ROBO2: variants seen among roughly 807,000 people sequenced by gnomAD.
ROBO2 encodes the protein roundabout homolog 2.
A neutral mutation model predicts 160.8 loss-of-function variants in ROBO2; 53 were observed. The observed-to-expected ratio is 0.33, with a 90% CI of 0.26 to 0.41. The LOEUF (loss-of-function observed/expected upper bound fraction) is 0.41, where lower values mean the gene tolerates loss of function less well. Among genes scored for constraint, ROBO2 ranks in the 10% least tolerant of loss-of-function variants. ROBO2 has a pLI of 1.00. For missense variants in ROBO2, 1,577 were observed against 1,722.4 expected (o/e 0.92, Z 1.49); for synonymous variants, 664 against 611.7 (o/e 1.09, Z -1.26).
At position 77,550,391 on chromosome 3, in the gene ROBO2, C is replaced by T. The variant is rs1393828608; in HGVS notation, c.1060-427C>T. ...ATCAACAGCAATCATATTTTGCATT[C>T]TTCAGAGCTGTGCGGTTTATACAAC... On this transcript the variant is annotated intron_variant, in intron 7 of 25. Transcript: ENST00000461745. Among the ~76,000 whole-genome samples, 3 of 151,986 alleles carry T rather than the reference C, an allele frequency of 2.0e-5. No individual in the cohort carries two copies. In the East Asian group the frequency reaches 5.8e-4, roughly 30 times the overall value.
intron 13 of ROBO2, among the ~76,000 whole-genome samples, chr3:77,571,855 G>A (rs1478527501): frequency 1.3e-5 from 2 of 150,950 alleles, no homozygotes; most frequent in Admixed American, 1.3e-4. Flanking sequence ...TAAAGTAAAT[G>A]TTCAGTGTTT....
chr3:76,211,724 T>C (rs1703156793), intron 2 of ROBO2, among the ~76,000 whole-genome samples: 1 of 152,088 alleles, frequency 6.6e-6, no homozygotes, highest in South Asian at 2.1e-4. Context: ...ACATTTTTTG[T>C]ACACTGTTTT....
chr3:77,587,625 T>C (rs1316745234), intron 16 of ROBO2, among the ~76,000 whole-genome samples: 1 of 152,042 alleles, frequency 6.6e-6, no homozygotes, highest in Non-Finnish European at 1.5e-5. Context: ...TTTAGTGCCC[T>C]ATATAAGCTT....
chr3:76,547,778 T>C (rs1168083113), intron 2 of ROBO2, among the ~76,000 whole-genome samples: 1 of 152,120 alleles, frequency 6.6e-6, no homozygotes, highest in African/African-American at 2.4e-5. Context: ...GGAGTTTTAT[T>C]AGAAAATCAC....
At chr3:76,343,793 T>C (rs1012077408) in intron 2 of ROBO2, among the ~76,000 whole-genome samples, 9 of 152,158 alleles carry the variant, frequency 5.9e-5, no homozygotes, top group African/African-American at 2.2e-4. Context: ...AATTTATTTT[T>C]TGAGCACAAA....
At chr3:77,364,507 GGAAA>G (rs1353424879) in intron 2 of ROBO2, among the ~76,000 whole-genome samples, 2 of 152,044 alleles carry the variant, frequency 1.3e-5, no homozygotes, top group African/African-American at 4.8e-5. Flanking sequence ...CAACTGTAAC[GGAAA>G]GAGTCAGTAA....
At chr3:76,025,699 A>G (rs1203000678) in intron 2 of ROBO2, among the ~76,000 whole-genome samples, 1 of 151,790 alleles carries the variant, frequency 6.6e-6, no homozygotes, top group Non-Finnish European at 1.5e-5. Context: ...GCCCACATTA[A>G]GCGTGTCAGC....
intron 2 of ROBO2, among the ~76,000 whole-genome samples, chr3:76,035,819 G>C (rs977976828): frequency 2.6e-5 from 4 of 151,990 alleles, no homozygotes; most frequent in East Asian, 3.9e-4. Context: ...ATTTTCATCT[G>C]ATCTTACAAG....
intron 2 of ROBO2, among the ~76,000 whole-genome samples, chr3:76,743,526 A>G (rs1047735440): frequency 2.8e-4 from 42 of 152,140 alleles, no homozygotes; most frequent in African/African-American, 9.4e-4. Context: ...CTGAACAACT[A>G]TAGACATATT....
At chr3:76,794,206 G>A (rs538864057) in intron 2 of ROBO2, among the ~76,000 whole-genome samples, 1 of 152,028 alleles carries the variant, frequency 6.6e-6, no homozygotes, top group Middle Eastern at 3.4e-3. Flanking sequence ...GAAAAAATTA[G>A]TAGAACTGTA....
intron 2 of ROBO2, among the ~76,000 whole-genome samples, chr3:76,001,955 T>G (rs1434646280): frequency 6.6e-6 from 1 of 152,218 alleles, no homozygotes; most frequent in African/African-American, 2.4e-5. Flanking sequence ...AATCATAGAT[T>G]GATGGAAATT....
chr3:77,632,528 G>C, intron 23 of ROBO2: 1 of 1,535,748 alleles, frequency 6.5e-7, no homozygotes, highest in Non-Finnish European at 8.7e-7. Context: ...AACTTTTCTA[G>C]TCATAGATCT....
rs529779092 is a variant in ROBO2 at position 77,466,192 on chromosome 3, T to C, written c.389-11222T>C. Among the ~76,000 whole-genome samples the C allele has an allele frequency of 2.0e-4, 31 of 152,272 alleles. No individual in the cohort carries two copies. In the South Asian group the frequency reaches 3.7e-3, roughly 18 times the overall value. On this transcript the variant is annotated intron_variant, in intron 2 of 25. Transcript: ENST00000461745. ...GATACATTTCAAGTCTCTTGTCATGTAGTAATCAAGTAGAACATTTCTTGA... is the reference window on the plus strand; with the variant it reads ...GATACATTTCAAGTCTCTTGTCATGCAGTAATCAAGTAGAACATTTCTTGA...
At chr3:76,755,764 T>A (rs1322977122) in intron 2 of ROBO2, among the ~76,000 whole-genome samples, 1 of 151,878 alleles carries the variant, frequency 6.6e-6, no homozygotes, top group Non-Finnish European at 1.5e-5. Flanking sequence ...GTTTTGTCCA[T>A]GGGGTTAATA....
At chr3:75,930,470 T>C (rs1947487420) in intron 1 of ROBO2, among the ~76,000 whole-genome samples, 1 of 152,214 alleles carries the variant, frequency 6.6e-6, no homozygotes, top group Non-Finnish European at 1.5e-5. Flanking sequence ...TATTTGTTTC[T>C]ATTTCTCTTC....
At chr3:77,547,441 T>G (rs2092740711) in intron 7 of ROBO2, among the ~76,000 whole-genome samples, 2 of 152,084 alleles carry the variant, frequency 1.3e-5, no homozygotes, top group African/African-American at 4.8e-5. Flanking sequence ...AAATCATTAT[T>G]AAACATCTCT....
At chr3:76,134,276 T>TTC (rs976643610) in intron 2 of ROBO2, among the ~76,000 whole-genome samples, 8 of 151,286 alleles carry the variant, frequency 5.3e-5, no homozygotes, top group Admixed American at 3.3e-4. Flanking sequence ...TACTTTTTTT[T>TTC]TCTCTCTCTC....
intron 2 of ROBO2, chr3:77,316,724 T>C: frequency 1.1e-6 from 1 of 899,318 alleles, no homozygotes; most frequent in South Asian, 1.3e-5. Context: ...GCAAAATAGT[T>C]TAAATTAAAC....
At chr3:76,171,870 G>A (rs2073052636) in intron 2 of ROBO2, among the ~76,000 whole-genome samples, 1 of 151,998 alleles carries the variant, frequency 6.6e-6, no homozygotes, top group African/African-American at 2.4e-5. Flanking sequence ...CAGAAAGTGA[G>A]GTGTAAACTC....
Sources: allele counts gnomAD v4.1 joint callset (sites outside exome capture counted in the v4.1 genomes callset), GRCh38; gene constraint gnomAD v4.1.1; transcripts MANE v1.5; gene names NCBI Gene and HGNC (gene_info 2026-07-23, HGNC 2026-07-21).